TBCB: variants seen among roughly 807,000 people sequenced by gnomAD.
TBCB encodes the protein tubulin-folding cofactor B.
In TBCB, 18 loss-of-function variants were observed where a neutral mutation model predicts 29.2. The observed-to-expected ratio is 0.62, with a 90% CI of 0.43 to 0.91. The LOEUF is 0.91. Ranked by LOEUF, TBCB falls within the 40% of genes least tolerant of loss-of-function variation. The probability of loss-of-function intolerance (pLI) is 0.00; values close to 1 mark genes in which losing one functional copy is unlikely to be tolerated. For missense variants in TBCB, 336 were observed against 337.6 expected (o/e 1.00, Z 0.04); for synonymous variants, 172 against 137.8 (o/e 1.25, Z -1.74).
At position 36,121,689 on chromosome 19, in the gene TBCB, C is replaced by T. The variant is rs1411392009; in HGVS notation, c.518C>T (p.Ser173Phe). The change falls in exon 4 of 6, where the codon TCC becomes TTC. Residue 173 changes from serine to phenylalanine, a missense_variant. Ser to Phe is a radical substitution (Grantham distance 155, BLOSUM62 -2). Transcript: ENST00000221855. ...SRCEVRAAGQSPRRGTVMYVG... is the reference protein window; with the variant it reads ...SRCEVRAAGQFPRRGTVMYVG... ...TGTGAGGTGCGGGCGGCGGGACAAT[C>T]CCCTCGCCGGGGCACCGTCATGTAT... 1 of 1,555,728 alleles carries T rather than the reference C, an allele frequency of 6.4e-7. No individual in the cohort carries two copies. Among genetic ancestry groups the T allele is most frequent in the Admixed American group, 1.9e-5 (1 of 52,322 alleles).
rs749328790 is a variant in TBCB, at chr19:36,120,774, C to T, written c.323C>T (p.Thr108Met). ...YEDVSRVEKY[T>M]ISQEAYDQRQ... ...GACGTGTCCCGGGTGGAGAAGTACA[C>T]GATCTCACAAGAAGCCTACGACCAG... Residue 108 changes from threonine to methionine, a missense_variant, in exon 3 of 6, where the codon ACG becomes ATG. Thr to Met is a moderately conservative substitution (Grantham distance 81, BLOSUM62 -1). Transcript: ENST00000221855. 5 of 1,613,924 alleles carry T rather than the reference C, an allele frequency of 3.1e-6. No individual in the cohort carries two copies. The highest frequency in any genetic ancestry group is 1.7e-6 in the Non-Finnish European group (2 of 1,179,982).
chr19:36,115,135 C>A (rs960189619), upstream of TBCB: 2 of 570,982 alleles, frequency 3.5e-6, no homozygotes, highest in Non-Finnish European at 6.2e-6. Flanking sequence ...GAAAACGATG[C>A]GCATCGTAAA....
chr19:36,118,170 T>C (rs1362392254), intron 2 of TBCB, among the ~76,000 whole-genome samples: 1 of 152,202 alleles, frequency 6.6e-6, no homozygotes, highest in Non-Finnish European at 1.5e-5. Context: ...TAACTGTTCA[T>C]TCCCCATCTG....
At chr19:36,118,279 G>A (rs1167958555) in intron 2 of TBCB, among the ~76,000 whole-genome samples, 1 of 152,160 alleles carries the variant, frequency 6.6e-6, no homozygotes, top group African/African-American at 2.4e-5. Context: ...GAAGGGTCAG[G>A]GGAGACAAGG....
chr19:36,120,923 C>A, intron 3 of TBCB, 117 bp downstream of exon 3: 1 of 933,688 alleles, frequency 1.1e-6, no homozygotes, highest in Non-Finnish European at 1.6e-6. Flanking sequence ...GACGGGGGGC[C>A]GAGAGCTTGG....
chr19:36,125,001 T>C (rs985976846), intron 4 of TBCB, among the ~76,000 whole-genome samples: 1 of 151,982 alleles, frequency 6.6e-6, no homozygotes, highest in African/African-American at 2.4e-5. Context: ...CAGTTTTTCA[T>C]TGGGATGCTG....
intron 2 of TBCB, chr19:36,116,441 C>A (rs576105478): frequency 7.3e-6 from 3 of 411,568 alleles, no homozygotes; most frequent in Non-Finnish European, 4.4e-6. Context: ...TCAGAGAGGG[C>A]TTCCTGGAGG....
intron 2 of TBCB, 95 bp from the exon 3 acceptor site, chr19:36,120,615 G>A (rs749821371): frequency 2.7e-5 from 29 of 1,056,534 alleles, no homozygotes; most frequent in African/African-American, 2.3e-4. Context: ...AGGGAGATGC[G>A]TTTTTCCCAG....
intron 1 of TBCB, 24 bp downstream of exon 1, chr19:36,115,698 G>T (rs776314346): frequency 9.8e-6 from 15 of 1,532,528 alleles, no homozygotes; most frequent in Middle Eastern, 1.8e-4. Flanking sequence ...GGCGGGGTCC[G>T]GAGGGGCGGG....
At position 36,125,808 on chromosome 19, in the gene TBCB, C is replaced by T; in HGVS notation, c.*26C>T. 1 of 1,471,022 alleles carries T rather than the reference C, an allele frequency of 6.8e-7. No individual in the cohort carries two copies. Among genetic ancestry groups the T allele is most frequent in the South Asian group, 1.5e-5 (1 of 67,410 alleles). 91.1% of individuals were successfully genotyped at this position (1,471,022 alleles called of 1,614,324 possible). ...CACCTAAGGAATTCCCCTGCTTCAG[C>T]TCCTAGCTCAGCCACTGACTGCCCC... On this transcript the variant is annotated 3_prime_UTR_variant, in exon 6 of 6. Coordinates refer to ENST00000221855, the MANE Select transcript of TBCB (RefSeq NM_001281.3).
Position 36,120,823 on chromosome 19 carries a change from G to C in TBCB, c.355+17G>C, listed in dbSNP as rs375946363. Reference sequence around the variant, plus strand: ...AGAGGCAAGGTACGGGCAGGTGGGCGTCGAGGGGTGCGTGGGGGCCAGAGG... The same window carrying C: ...AGAGGCAAGGTACGGGCAGGTGGGCCTCGAGGGGTGCGTGGGGGCCAGAGG... On this transcript the variant is annotated intron_variant, in intron 3 of 5. Transcript: ENST00000221855. 6.2e-7 allele frequency: 1 copy of C among 1,613,046 alleles called. No individual in the cohort carries two copies. Among genetic ancestry groups the C allele is most frequent in the Non-Finnish European group, 8.5e-7 (1 of 1,179,256 alleles).
intron 2 of TBCB, among the ~76,000 whole-genome samples, chr19:36,120,153 G>A (rs886495588): frequency 6.6e-6 from 1 of 152,104 alleles, no homozygotes; most frequent in African/African-American, 2.4e-5. Context: ...TGTTTCATAG[G>A]TACCTGTTCC....
At chr19:36,121,477 T>C in intron 3 of TBCB, 50 bp from the exon 4 acceptor site, 1 of 1,518,340 alleles carries the variant, frequency 6.6e-7, no homozygotes, top group Non-Finnish European at 8.8e-7. Context: ...AGCGTCATCC[T>C]GTTAGGCCCG....
At chr19:36,115,922 C>T in intron 1 of TBCB, 119 bp from the exon 2 acceptor site, 1 of 1,426,354 alleles carries the variant, frequency 7.0e-7, no homozygotes. Context: ...GGCTGGATTG[C>T]GGCCCCGTGC....
intron 4 of TBCB, among the ~76,000 whole-genome samples, chr19:36,122,754 C>CA (rs200939642): frequency 0.1 from 6,551 of 62,464 alleles, 454 homozygotes; most frequent in South Asian, 0.23. Context: ...ACCCTGTCTC[C>CA]AAAAAAAAAA....
At position 36,125,681 on chromosome 19, in the gene TBCB, C is replaced by T. The variant is rs764160411; in HGVS notation, c.634C>T (p.Arg212Cys). 1.0e-5 allele frequency: 16 copies of T among 1,580,140 alleles called. No homozygotes were observed. The highest frequency in any genetic ancestry group is 9.0e-5 in the East Asian group (4 of 44,540). ...GKNDGSVNGK[R>C]YFECQAKYGA... ...CCTTTCCTGCAGTGTGAATGGGAAA[C>T]GCTACTTCGAATGCCAGGCCAAGTA... is the stretch of plus-strand genomic sequence containing the variant. Residue 212 changes from arginine to cysteine, a missense_variant, in exon 6 of 6, where the codon CGC (arginine) becomes TGC (cysteine). Physicochemically the swap from Arg to Cys is radical, Grantham distance 180. Transcript: ENST00000221855.
chr19:36,124,248 A>G (rs1351176509), intron 4 of TBCB, among the ~76,000 whole-genome samples: 3 of 152,166 alleles, frequency 2.0e-5, no homozygotes, highest in East Asian at 1.9e-4. Flanking sequence ...TTTGACACAC[A>G]GTCTCACTCC....
intron 4 of TBCB, among the ~76,000 whole-genome samples, chr19:36,124,193 ATCT>A (rs1219110047): frequency 1.3e-5 from 2 of 152,086 alleles, no homozygotes; most frequent in Admixed American, 1.3e-4. Context: ...CCATTTGTGT[ATCT>A]TCTTTGGAGA....
At chr19:36,121,856 C>A in intron 4 of TBCB, 138 bp downstream of exon 4, 1 of 1,126,484 alleles carries the variant, frequency 8.9e-7, no homozygotes, top group Non-Finnish European at 1.3e-6. Flanking sequence ...ATCTCAGTCC[C>A]TGGAGGTGAC....
Sources: gnomAD v4.1 joint callset for allele counts (sites outside exome capture counted in the v4.1 genomes callset) on GRCh38, gnomAD v4.1.1 for gene constraint, MANE v1.5 for transcripts, NCBI Gene and HGNC (gene_info 2026-07-23, HGNC 2026-07-21) for gene names.